The following PTPRQ variants were observed in gnomAD, a reference collection of about 807,000 sequenced individuals.
PTPRQ encodes the protein protein tyrosine phosphatase receptor type Q, also known as phosphatidylinositol phosphatase PTPRQ.
A neutral mutation model predicts 246.0 loss-of-function variants in PTPRQ; 199 were observed. The ratio of observed to expected loss-of-function variants is 0.81; its 90% CI spans 0.72 to 0.91. The LOEUF (loss-of-function observed/expected upper bound fraction) is 0.91, where lower values mean the gene tolerates loss of function less well. Among genes scored for constraint, PTPRQ ranks in the 40% least tolerant of loss-of-function variants. The pLI, the probability that PTPRQ is intolerant of heterozygous loss-of-function variation, is 0.00. For missense variants in PTPRQ, 2,624 were observed against 2,528.4 expected, an observed-to-expected ratio of 1.04 and a Z score of -0.81; for synonymous variants, 869 against 853.2, an observed-to-expected ratio of 1.02 and a Z score of -0.32.
At position 80,657,919 on chromosome 12, in the gene PTPRQ, T is replaced by C. The variant is rs1592766913; in HGVS notation, c.6116-66T>C. ...ATTATGAACTCCTTTGTATTACTTT[T>C]ATAGTAAAAAAAGTAGTAACAATTT... is the stretch of plus-strand genomic sequence containing the variant. On this transcript the variant is annotated intron_variant, in intron 38 of 44. Coordinates refer to ENST00000644991, the MANE Select transcript of PTPRQ (RefSeq NM_001145026.2). 4.2e-6 allele frequency: 5 copies of C among 1,186,610 alleles called. No individual in the cohort carries two copies. In the East Asian group the frequency reaches 9.2e-5, roughly 22 times the overall value. The allele number at this position is 1,186,610 out of a possible 1,614,324, so 73.5% of individuals were successfully genotyped here.
At chr12:80,663,403 A>G (rs1900692319) in intron 39 of PTPRQ, among the ~76,000 whole-genome samples, 1 of 151,620 alleles carries the variant, frequency 6.6e-6, no homozygotes, top group African/African-American at 2.4e-5. Context: ...GGGTCTGCAT[A>G]CCCTCCCGTA....
rs965449717 is a variant in PTPRQ, at chr12:80,579,716, C to T, written c.4286-8413C>T. ...TTGAACTTAACTTTGAAGGTATTTCCATTTTTGTATTGATCCATACTATAT... is the reference window on the plus strand; with the variant it reads ...TTGAACTTAACTTTGAAGGTATTTCTATTTTTGTATTGATCCATACTATAT... On this transcript the variant is annotated intron_variant, in intron 25 of 44. Transcript: ENST00000644991. Among the ~76,000 whole-genome samples the T allele has an allele frequency of 3.5e-4, 53 of 152,144 alleles. 1 individual carries two copies. The highest frequency in any genetic ancestry group is 1.2e-3 in the African/African-American group (48 of 41,496).
At chr12:80,486,048 C>T (rs1262018014) in intron 9 of PTPRQ, among the ~76,000 whole-genome samples, 1 of 152,088 alleles carries the variant, frequency 6.6e-6, no homozygotes, top group African/African-American at 2.4e-5. Flanking sequence ...TCTAGTTCTG[C>T]CATTACTAAC....
rs893382170 is a variant in PTPRQ, at chr12:80,613,778, A to G, written c.5105A>G (p.Asn1702Ser). Residue 1702 changes from asparagine to serine, a missense_variant, in exon 29 of 45, where the codon AAC becomes AGC. Transcript: ENST00000644991. ...AACCTCAGTATTATACAGAAAACCA[A>G]CACATTCGTCATTGCAATGCTAGAA... ...IHNLSIIQKT[N>S]TFVIAMLEGL... 1 of 1,542,834 alleles carries G rather than the reference A, an allele frequency of 6.5e-7. No homozygotes were observed. The highest frequency in any genetic ancestry group is 1.4e-5 in the African/African-American group (1 of 72,374).
intron 17 of PTPRQ, among the ~76,000 whole-genome samples, chr12:80,520,091 T>A (rs1396673491): frequency 1.3e-5 from 2 of 152,104 alleles, no homozygotes; most frequent in African/African-American, 4.8e-5. Flanking sequence ...ATGTTTATAA[T>A]TTGGTATCTT....
rs1901245161 is a variant in PTPRQ at position 80,679,318 on chromosome 12, T to A, written c.*295T>A. On this transcript the variant is annotated 3_prime_UTR_variant, in exon 45 of 45. Coordinates refer to ENST00000644991, the MANE Select transcript of PTPRQ (RefSeq NM_001145026.2). ...GAATAAGCCAAATAGAAAATTATTA[T>A]TATATTAGCATTAATGTTTCAATGT... 4.4e-6 allele frequency: 1 copy of A among 229,150 alleles called. No homozygotes were observed. The highest frequency in any genetic ancestry group is 1.7e-4 in the South Asian group (1 of 5,900). 14.2% of individuals were successfully genotyped at this position (229,150 alleles called of 1,614,324 possible).
At chr12:80,579,471 G>T (rs1309597272) in intron 25 of PTPRQ, among the ~76,000 whole-genome samples, 2 of 152,016 alleles carry the variant, frequency 1.3e-5, no homozygotes, top group African/African-American at 4.8e-5. Context: ...ATCCTCAGTT[G>T]TTCCTTCAAA....
intron 17 of PTPRQ, among the ~76,000 whole-genome samples, chr12:80,523,656 TC>T (rs1223775714): frequency 2.0e-5 from 3 of 152,218 alleles, no homozygotes; most frequent in Non-Finnish European, 4.4e-5. Flanking sequence ...GTGTTCAGTT[TC>T]CACGTAGTTG....
At chr12:80,465,528 C>G (rs1468107033) in intron 6 of PTPRQ, 2 of 152,198 alleles carry the variant, frequency 1.3e-5, no homozygotes, top group African/African-American at 4.8e-5. Flanking sequence ...ATCCTGATAC[C>G]AAAGCCGGGT....
chr12:80,632,118 AT>A lies in PTPRQ; in HGVS notation c.5687-68del, dbSNP rs1365338843. ...GAATATTTTCTTATGCCAAGATAATATTTTTTGGTAGTTTGGGATTCAAAAT... is the reference window on the plus strand; with the variant it reads ...GAATATTTTCTTATGCCAAGATAATATTTTTGGTAGTTTGGGATTCAAAAT... On this transcript the variant is annotated intron_variant, in intron 33 of 44. Coordinates refer to ENST00000644991, the MANE Select transcript of PTPRQ (RefSeq NM_001145026.2). The A allele has an allele frequency of 4.0e-6, 6 of 1,492,948 alleles. No homozygotes were observed. In the African/African-American group the frequency reaches 8.5e-5, roughly 21 times the overall value. 92.5% of individuals were successfully genotyped at this position (1,492,948 alleles called of 1,614,324 possible).
chr12:80,668,944 C>T (rs966907139), intron 39 of PTPRQ, 63 bp from the exon 40 acceptor site: 38 of 1,460,382 alleles, frequency 2.6e-5, no homozygotes, highest in African/African-American at 2.9e-5. Flanking sequence ...ATGCATTGAT[C>T]GAAAACTAAA....
intron 17 of PTPRQ, 145 bp downstream of exon 17, chr12:80,510,588 C>A: frequency 1.1e-6 from 1 of 922,262 alleles, no homozygotes; most frequent in East Asian, 3.2e-5. Context: ...GATTAAGAAA[C>A]AAGTTTTTCC....
intron 17 of PTPRQ, among the ~76,000 whole-genome samples, chr12:80,532,863 T>C (rs1895883956): frequency 6.6e-6 from 1 of 152,196 alleles, no homozygotes; most frequent in South Asian, 2.1e-4. Flanking sequence ...ACAAAACTTA[T>C]ATTTGGAATA....
chr12:80,547,045 C>T (rs577569700), intron 24 of PTPRQ: 11 of 172,938 alleles, frequency 6.4e-5, no homozygotes, highest in Admixed American at 1.9e-4. Flanking sequence ...TCACTTTTAA[C>T]GGGCTGATTT....
chr12:80,668,939 T>C, intron 39 of PTPRQ, 68 bp from the exon 40 acceptor site: 1 of 1,458,376 alleles, frequency 6.9e-7, no homozygotes. Context: ...GTTTCATGCA[T>C]TGATCGAAAA....
chr12:80,579,765 T>A (rs1565798535), intron 25 of PTPRQ, among the ~76,000 whole-genome samples: 1 of 152,182 alleles, frequency 6.6e-6, no homozygotes, highest in East Asian at 1.9e-4. Flanking sequence ...TTTTACTTTG[T>A]GTATGTTTAA....
At chr12:80,643,480 A>G (rs1183793563) in intron 35 of PTPRQ, among the ~76,000 whole-genome samples, 1 of 151,986 alleles carries the variant, frequency 6.6e-6, no homozygotes, top group Non-Finnish European at 1.5e-5. Context: ...CACTTATGGT[A>G]TATTTCTCTT....
intron 25 of PTPRQ, among the ~76,000 whole-genome samples, chr12:80,572,416 T>A (rs566666744): frequency 1.2e-4 from 19 of 152,220 alleles, no homozygotes; most frequent in Middle Eastern, 3.4e-3. Flanking sequence ...AAAATTTAAA[T>A]AATATTCTAT....
rs1372900141 is a variant in PTPRQ, at chr12:80,678,595, T to C, written c.6739-7T>C. ...ATTTGTTTAACCACTCTGTCTTTGG[T>C]GTCTAGGCACAGTATATCTTTTTAC... is the stretch of plus-strand genomic sequence containing the variant. On this transcript the variant is annotated splice_region_variant and splice_polypyrimidine_tract_variant and intron_variant, in intron 43 of 44. Transcript: ENST00000644991. 6.5e-7 allele frequency: 1 copy of C among 1,541,500 alleles called. No individual in the cohort carries two copies. Among genetic ancestry groups the C allele is most frequent in the Admixed American group, 2.0e-5 (1 of 49,374 alleles).
Sources: allele counts gnomAD v4.1 joint callset (sites outside exome capture counted in the v4.1 genomes callset), GRCh38; gene constraint gnomAD v4.1.1; transcripts MANE v1.5; gene names NCBI Gene and HGNC (gene_info 2026-07-23, HGNC 2026-07-21).